Variants in MMP26 observed in about 807,000 individuals in gnomAD.
The protein encoded by MMP26 is matrix metalloproteinase-26.
A neutral mutation model predicts 31.0 loss-of-function variants in MMP26; 33 were observed. The ratio of observed to expected loss-of-function variants is 1.06; its 90% CI spans 0.81 to 1.42. The LOEUF is 1.42. MMP26 is among the 40% of genes most tolerant of loss of function. The pLI is 0.00. For synonymous variants in MMP26, 122 were observed against 114.9 expected, an observed-to-expected ratio of 1.06 and a Z score of -0.40; for missense variants, 347 against 316.1, an observed-to-expected ratio of 1.10 and a Z score of -0.74.
rs763876806 is a variant in MMP26 at position 4,990,761 on chromosome 11, T to C, written c.469+15T>C. 15 of 1,613,652 alleles carry C rather than the reference T, an allele frequency of 9.3e-6. No homozygotes were observed. The highest frequency in any genetic ancestry group is 6.7e-5 in the Admixed American group (4 of 59,980). On this transcript the variant is annotated intron_variant, in intron 5 of 7. Transcript: ENST00000380390. Reference sequence around the variant, plus strand: ...CTGGCAGTGGGGTAAGAAATTGACATGGGAAGAAGGATATGTATATGCCCT... The same window carrying C: ...CTGGCAGTGGGGTAAGAAATTGACACGGGAAGAAGGATATGTATATGCCCT...
chr11:4,827,941 A>G (rs759691731), intron 2 of MMP26, among the ~76,000 whole-genome samples: 2 of 152,032 alleles, frequency 1.3e-5, no homozygotes, highest in Non-Finnish European at 2.9e-5. Context: ...CTGGAGACCA[A>G]TTAATTTTCC....
intron 2 of MMP26, chr11:4,937,564 G>C (rs1264150899): frequency 6.5e-6 from 1 of 152,884 alleles, no homozygotes; most frequent in Non-Finnish European, 1.5e-5. Context: ...ACAGATGTGA[G>C]AGATGCACGT....
At chr11:4,923,167 A>T (rs1056559868) in intron 2 of MMP26, among the ~76,000 whole-genome samples, 14 of 152,190 alleles carry the variant, frequency 9.2e-5, no homozygotes, top group Admixed American at 3.3e-4. Context: ...GAAGGAAGGT[A>T]TTATAATTAT....
chr11:4,919,600 G>C (rs1437201418), intron 2 of MMP26, among the ~76,000 whole-genome samples: 3 of 152,116 alleles, frequency 2.0e-5, no homozygotes, highest in Non-Finnish European at 4.4e-5. Flanking sequence ...CAAGAGTTTT[G>C]AACCAACGCC....
chr11:4,915,662 A>G, intron 2 of MMP26: 1 of 1,609,152 alleles, frequency 6.2e-7, no homozygotes. Flanking sequence ...TCCCAGGGTC[A>G]TTGTGTGAGG....
intron 2 of MMP26, among the ~76,000 whole-genome samples, chr11:4,811,016 T>G (rs1323755403): frequency 6.6e-6 from 1 of 152,194 alleles, no homozygotes; most frequent in Admixed American, 6.5e-5. Context: ...ATATGATAGA[T>G]GGTAATGATC....
intron 2 of MMP26, among the ~76,000 whole-genome samples, chr11:4,896,011 C>G (rs1850696458): frequency 6.6e-6 from 1 of 152,064 alleles, no homozygotes; most frequent in African/African-American, 2.4e-5. Context: ...AAAGATAACT[C>G]CAAGATAAGC....
intron 2 of MMP26, among the ~76,000 whole-genome samples, chr11:4,956,453 A>T (rs1413556448): frequency 2.0e-5 from 3 of 152,190 alleles, no homozygotes; most frequent in Admixed American, 2.0e-4. Flanking sequence ...GTAATAAGGG[A>T]TGATTTGTTT....
chr11:4,711,804 T>A (rs1847865921), intron 1 of MMP26: 1 of 152,228 alleles, frequency 6.6e-6, no homozygotes, highest in Non-Finnish European at 1.5e-5. Context: ...TTATCATGTA[T>A]GAAAGAGTAA....
intron 1 of MMP26, among the ~76,000 whole-genome samples, chr11:4,758,122 A>G (rs1325256577): frequency 6.6e-6 from 1 of 152,214 alleles, no homozygotes; most frequent in East Asian, 1.9e-4. Flanking sequence ...CAGTTGATTA[A>G]CTGGTGAACA....
At chr11:4,867,102 G>A (rs1262009842) in intron 2 of MMP26, among the ~76,000 whole-genome samples, 1 of 152,022 alleles carries the variant, frequency 6.6e-6, no homozygotes, top group Admixed American at 6.6e-5. Flanking sequence ...TTAAACTAAA[G>A]AGCTTCTGCA....
At chr11:4,789,530 C>CTT (rs71050429) in intron 2 of MMP26, among the ~76,000 whole-genome samples, 9,390 of 65,748 alleles carry the variant, frequency 0.14, 3,210 homozygotes, top group South Asian at 0.23. Context: ...TATCCCCCCA[C>CTT]TTTTTTTTTT....
chr11:4,864,419 C>T (rs1347025335), intron 2 of MMP26, among the ~76,000 whole-genome samples: 5 of 152,112 alleles, frequency 3.3e-5, no homozygotes, highest in Non-Finnish European at 2.9e-5. Flanking sequence ...TTTTCCATCA[C>T]AAGCATATTC....
At chr11:4,903,151 T>A (rs1025221047) in intron 2 of MMP26, among the ~76,000 whole-genome samples, 1 of 152,066 alleles carries the variant, frequency 6.6e-6, no homozygotes, top group Admixed American at 6.6e-5. Context: ...GGAACTGACA[T>A]ATAAAATAGA....
chr11:4,723,904 T>G lies in MMP26; in HGVS notation c.-217+18859T>G, dbSNP rs149623803. The stretch of plus-strand genomic sequence containing the variant: ...GAGGGTCTTGATCTGCTCCTTCTCC[T>G]GGGTGCGCATGGCCTGGATGTTGGG... On this transcript the variant is annotated intron_variant, in intron 1 of 7. Coordinates refer to ENST00000380390, the MANE Select transcript of MMP26 (RefSeq NM_021801.5). 8,042 of 1,034,962 alleles carry G rather than the reference T, an allele frequency of 7.8e-3. 608 individuals carry two copies. The Admixed American group carries it at 0.12, about 16-fold the overall frequency. The allele number at this position is 1,034,962 out of a possible 1,614,324, so 64.1% of individuals were successfully genotyped here. A position where few individuals can be genotyped will look rare whatever the true frequency, so the allele number is the denominator to read the frequency against.
At chr11:4,766,162 C>T (rs1848626114) in intron 1 of MMP26, among the ~76,000 whole-genome samples, 1 of 152,126 alleles carries the variant, frequency 6.6e-6, no homozygotes, top group African/African-American at 2.4e-5. Context: ...TTTTGCTATT[C>T]TTCGGGTTAT....
At chr11:4,791,074 C>T (rs1426160793) in intron 2 of MMP26, among the ~76,000 whole-genome samples, 1 of 152,172 alleles carries the variant, frequency 6.6e-6, no homozygotes, top group Non-Finnish European at 1.5e-5. Context: ...AATCAATAAT[C>T]ATTTCTTGAG....
In MMP26 at chr11:4,746,258, G is replaced by A. The variant is rs181673263; in HGVS notation, c.-216-21012G>A. Among the ~76,000 whole-genome samples the A allele has an allele frequency of 1.3e-4, 20 of 152,192 alleles. No individual in the cohort carries two copies. In the East Asian group the frequency reaches 3.9e-3, roughly 29 times the overall value. On this transcript the variant is annotated intron_variant, in intron 1 of 7. Transcript: ENST00000380390. Reference sequence around the variant, plus strand: ...TTTCTTCCTATTTCTATGTCAAGTAGTTTTTGATTTTATACCATGGTTGCA... The same window carrying A: ...TTTCTTCCTATTTCTATGTCAAGTAATTTTTGATTTTATACCATGGTTGCA...
intron 2 of MMP26, among the ~76,000 whole-genome samples, chr11:4,935,337 A>T (rs1344718435): frequency 2.0e-5 from 3 of 151,726 alleles, no homozygotes; most frequent in South Asian, 2.1e-4. Context: ...TCTTTGAAGC[A>T]ATTGCGAATG....
Sources: gnomAD v4.1 joint callset for allele counts (sites outside exome capture counted in the v4.1 genomes callset) on GRCh38, gnomAD v4.1.1 for gene constraint, MANE v1.5 for transcripts, NCBI Gene and HGNC (gene_info 2026-07-23, HGNC 2026-07-21) for gene names.